TIMELESS: variants seen among roughly 807,000 people sequenced by gnomAD.
TIMELESS encodes the protein timeless circadian regulator, also known as protein timeless homolog.
Under a neutral mutation model 164.3 loss-of-function variants are expected in TIMELESS, and 124 were observed. The ratio of observed to expected loss-of-function variants is 0.75; its 90% CI spans 0.65 to 0.88. The LOEUF is 0.88. TIMELESS is among the 40% of genes least tolerant of loss of function. The probability of loss-of-function intolerance (pLI) is 0.00; values close to 1 mark genes in which losing one functional copy is unlikely to be tolerated. For synonymous variants in TIMELESS, 564 were observed against 563.4 expected (o/e 1.00, Z -0.02); for missense variants, 1,422 against 1,491.4 (o/e 0.95, Z 0.77).
At position 56,446,810 on chromosome 12, in the gene TIMELESS, CA is replaced by C. The variant is rs57794084; in HGVS notation, c.-62+2499del. ...GGACAATAAGAGCAAAACTCCATCTCAAAAAAAAAAAAAAAGACTGCCCAAA... is the reference window on the plus strand; with the variant it reads ...GGACAATAAGAGCAAAACTCCATCTCAAAAAAAAAAAAAAGACTGCCCAAA... On this transcript the variant is annotated intron_variant, in intron 1 of 28. Coordinates refer to ENST00000553532, the MANE Select transcript of TIMELESS (RefSeq NM_003920.5). Among the ~76,000 whole-genome samples the C allele has an allele frequency of 7.2e-3, 910 of 126,852 alleles. 2 individuals carry two copies. Among genetic ancestry groups the C allele is most frequent in the Non-Finnish European group, 1.0e-2 (586 of 58,832 alleles). 83.2% of individuals were successfully genotyped at this position (126,852 alleles called of 152,430 possible).
rs574412582 is a variant in TIMELESS, at chr12:56,428,248, G to C, written c.1566C>G (p.Asn522Lys). The C allele has an allele frequency of 1.2e-6, 2 of 1,602,322 alleles. No individual in the cohort carries two copies. Among genetic ancestry groups the C allele is most frequent in the South Asian group, 1.1e-5 (1 of 90,104 alleles). The change falls in exon 13 of 29, where the codon AAC (asparagine) becomes AAG (lysine). Residue 522 changes from asparagine to lysine, a missense_variant. Asn to Lys is a moderately conservative substitution (Grantham distance 94, BLOSUM62 0). Transcript: ENST00000553532. The stretch of plus-strand genomic sequence containing the variant: ...GGCTGCCCAGTACCTGCACCACCAG[G>C]TTCCCACGGCTCCGACAGAATCGCT... ...MLERFCRSRGNLVVQNKQKKR... is the reference protein window; with the variant it reads ...MLERFCRSRGKLVVQNKQKKR...
intron 1 of TIMELESS, among the ~76,000 whole-genome samples, chr12:56,446,442 T>G (rs1040412889): frequency 6.6e-6 from 1 of 152,070 alleles, no homozygotes; most frequent in East Asian, 1.9e-4. Context: ...ACAAAGTCTT[T>G]CATGAATCTC....
chr12:56,434,606 G>T (rs1188697393), intron 1 of TIMELESS, among the ~76,000 whole-genome samples: 1 of 152,110 alleles, frequency 6.6e-6, no homozygotes, highest in Non-Finnish European at 1.5e-5. Context: ...GCGTGGTGGC[G>T]CATGCCTATA....
intron 1 of TIMELESS, among the ~76,000 whole-genome samples, chr12:56,444,216 C>T (rs1212145523): frequency 6.6e-6 from 1 of 151,658 alleles, no homozygotes; most frequent in African/African-American, 2.4e-5. Flanking sequence ...ATTCTTGGTC[C>T]CCTTCATTGT....
chr12:56,447,621 G>A lies in TIMELESS; in HGVS notation c.-62+1689C>T, dbSNP rs374579505. ...TTAGGACTTGAGTTCCTTAAGGGTC[G>A]GGAACTCTCCATCCTACTCATCTCT... is the stretch of plus-strand genomic sequence containing the variant. On this transcript the variant is annotated intron_variant, in intron 1 of 28. Transcript: ENST00000553532. Among the ~76,000 whole-genome samples the A allele has an allele frequency of 4.6e-5, 7 of 152,104 alleles. No individual in the cohort carries two copies. In the East Asian group the frequency reaches 7.7e-4, roughly 17 times the overall value.
At chr12:56,430,542 CTTG>C (rs1424220278) in intron 9 of TIMELESS, among the ~76,000 whole-genome samples, 1 of 151,902 alleles carries the variant, frequency 6.6e-6, no homozygotes, top group African/African-American at 2.4e-5. Context: ...GTATTTTTCA[CTTG>C]TTGTAGGGAC....
Position 56,418,006 on chromosome 12 carries a change from C to T in TIMELESS, c.3457G>A (p.Glu1153Lys). 3 of 1,614,174 alleles carry T rather than the reference C, an allele frequency of 1.9e-6. No homozygotes were observed. The highest frequency in any genetic ancestry group is 2.5e-6 in the Non-Finnish European group (3 of 1,180,032). Reference protein sequence around the residue: ...KKAGLASPEEEDAVGKEPLKA... With the variant: ...KKAGLASPEEKDAVGKEPLKA... ...AGCGGCTCTTTACCAACAGCGTCTTCCTCTGCAATGACCATAAATGACACA... is the reference window on the plus strand; with the variant it reads ...AGCGGCTCTTTACCAACAGCGTCTTTCTCTGCAATGACCATAAATGACACA... The change falls in exon 28 of 29, where the codon GAA becomes AAA. Residue 1153 changes from glutamate (E) to lysine (K), a missense_variant and splice_region_variant. Physicochemically the swap from Glu to Lys is moderately conservative, Grantham distance 56 (BLOSUM62 1). Coordinates refer to ENST00000553532, the MANE Select transcript of TIMELESS (RefSeq NM_003920.5).
rs71081360 is a variant in TIMELESS, at chr12:56,445,422, C to CAAAAAAAAAAAAAAA, written c.-62+3873_-62+3887dup. On this transcript the variant is annotated intron_variant, in intron 1 of 28. Coordinates refer to ENST00000553532, the MANE Select transcript of TIMELESS (RefSeq NM_003920.5). ...GGGAAACAAGAGCGAAACTCCACGT[C>CAAAAAAAAAAAAAAA]AAAAAAAAAAAAAAAAAAAAAAAAA... Among the ~76,000 whole-genome samples, 3 of 18,718 alleles carry CAAAAAAAAAAAAAAA rather than the reference C, an allele frequency of 1.6e-4. 1 individual carries two copies. The highest frequency in any genetic ancestry group is 3.5e-4 in the Non-Finnish European group (3 of 8,540). The allele number at this position is 18,718 out of a possible 152,430, so 12.3% of individuals were successfully genotyped here.
chr12:56,423,514 G>A lies in TIMELESS; in HGVS notation c.2091-39C>T, dbSNP rs374587023. 98 of 1,613,450 alleles carry A rather than the reference G, an allele frequency of 6.1e-5. No homozygotes were observed. In the African/African-American group the frequency reaches 1.2e-3, roughly 20 times the overall value. ...AGGAGGGAGAGGATGTCAGCATAAG[G>A]AAGACATAGCTCATCCTCACAGCCG... On this transcript the variant is annotated intron_variant, in intron 17 of 28. Transcript: ENST00000553532.
rs147588858 is a variant in TIMELESS, at chr12:56,417,954, A to T, written c.3509T>A (p.Leu1170Ter). The part of the protein sequence containing the change: ...PLKAAPKKRQ[L>*]LDSDEEQEED... ...TTCCTGTTCCTCGTCGCTGTCCAGCAATTGTCGTTTCTTGGGTGCTGCCTT... is the reference window on the plus strand; with the variant it reads ...TTCCTGTTCCTCGTCGCTGTCCAGCTATTGTCGTTTCTTGGGTGCTGCCTT... Residue 1170 changes from leucine (L) to a stop codon, truncating the protein, a stop_gained, in exon 28 of 29, where the codon TTG becomes TAG. Transcript: ENST00000553532. LOFTEE classifies it high-confidence loss of function. 1.1e-5 allele frequency: 17 copies of T among 1,614,094 alleles called. No individual in the cohort carries two copies. Among genetic ancestry groups the T allele is most frequent in the Non-Finnish European group, 1.3e-5 (15 of 1,180,048 alleles).
intron 19 of TIMELESS, 82 bp from the exon 20 acceptor site, chr12:56,422,273 A>G (rs1324799285): frequency 7.7e-7 from 1 of 1,299,034 alleles, no homozygotes; most frequent in Non-Finnish European, 1.1e-6. Context: ...ATCAGTTCTG[A>G]AAAGAACAGG....
chr12:56,433,664 T>C lies in TIMELESS; in HGVS notation c.252-12A>G. On this transcript the variant is annotated splice_polypyrimidine_tract_variant and intron_variant, in intron 3 of 28. Coordinates refer to ENST00000553532, the MANE Select transcript of TIMELESS (RefSeq NM_003920.5). Reference sequence around the variant, plus strand: ...AGTTCACCATCAGTCTGGGAGACAATGAAGGAGGGAGAAGTTGTTAAGTTT... The same window carrying C: ...AGTTCACCATCAGTCTGGGAGACAACGAAGGAGGGAGAAGTTGTTAAGTTT... 6.2e-7 allele frequency: 1 copy of C among 1,613,920 alleles called. No homozygotes were observed. Among genetic ancestry groups the C allele is most frequent in the South Asian group, 1.1e-5 (1 of 91,086 alleles).
chr12:56,421,172 G>T, intron 23 of TIMELESS, 38 bp from the exon 24 acceptor site: 2 of 1,612,374 alleles, frequency 1.2e-6, no homozygotes, highest in Non-Finnish European at 1.7e-6. Flanking sequence ...GAAAATGAAG[G>T]CAACACAAGG....
At chr12:56,424,523 T>C (rs1054238523) in intron 15 of TIMELESS, among the ~76,000 whole-genome samples, 7 of 152,214 alleles carry the variant, frequency 4.6e-5, no homozygotes, top group Non-Finnish European at 1.0e-4. Context: ...AAGGACTTAT[T>C]GATGATGTCA....
At chr12:56,428,131 C>T in intron 13 of TIMELESS, 105 bp downstream of exon 13, 1 of 1,124,868 alleles carries the variant, frequency 8.9e-7, no homozygotes, top group Non-Finnish European at 1.2e-6. Context: ...TAGTTCAGAG[C>T]ACGTTTAACA....
chr12:56,430,252 C>T lies in TIMELESS; in HGVS notation c.939G>A (p.Lys313=). The stretch of plus-strand genomic sequence containing the variant: ...GACGTTTAGGCACCTTTTTCGGCTG[C>T]TTTCCCAAATCTGAACTGTAGTTTC... ...NLRNYSSDLG[K]QPKKVPKRRQ... Residue 313 remains lysine (K), a synonymous_variant, in exon 10 of 29, where the codon AAG becomes AAA. Coordinates refer to ENST00000553532, the MANE Select transcript of TIMELESS (RefSeq NM_003920.5). 6.2e-7 allele frequency: 1 copy of T among 1,613,748 alleles called. No individual in the cohort carries two copies. The highest frequency in any genetic ancestry group is 1.1e-5 in the South Asian group (1 of 91,012).
At chr12:56,434,526 T>C (rs1324907601) in intron 1 of TIMELESS, among the ~76,000 whole-genome samples, 3 of 152,028 alleles carry the variant, frequency 2.0e-5, no homozygotes, top group East Asian at 1.9e-4. Flanking sequence ...TCACCTGAGG[T>C]TGGGAGTTCG....
At position 56,430,851 on chromosome 12, in the gene TIMELESS, T is replaced by C. The variant is rs367678404; in HGVS notation, c.909+30A>G. On this transcript the variant is annotated intron_variant, in intron 9 of 28. Coordinates refer to ENST00000553532, the MANE Select transcript of TIMELESS (RefSeq NM_003920.5). ...CTGCTTAAGCTATGCAACTCCACTA[T>C]GTTCCCACTCCAGATGTAAGAATAC... The C allele has an allele frequency of 2.7e-6, 4 of 1,457,276 alleles. No individual in the cohort carries two copies. The African/African-American group carries it at 4.3e-5, about 16-fold the overall frequency. 90.3% of individuals were successfully genotyped at this position (1,457,276 alleles called of 1,614,324 possible).
intron 11 of TIMELESS, 88 bp downstream of exon 11, chr12:56,428,795 T>G: frequency 6.6e-7 from 1 of 1,513,104 alleles, no homozygotes; most frequent in Non-Finnish European, 9.1e-7. Context: ...ACTGATCACC[T>G]GAACCCTGAA....
Sources: gnomAD v4.1 joint callset for allele counts (sites outside exome capture counted in the v4.1 genomes callset) on GRCh38, gnomAD v4.1.1 for gene constraint, MANE v1.5 for transcripts, NCBI Gene and HGNC (gene_info 2026-07-23, HGNC 2026-07-21) for gene names.